Variants in RAP1GDS1 observed in about 807,000 individuals in gnomAD.
RAP1GDS1 encodes Rap1 GTPase-GDP dissociation stimulator 1.
In RAP1GDS1, 35 loss-of-function variants were observed where a neutral mutation model predicts 71.1. The observed-to-expected ratio is 0.49, with a 90% confidence interval of 0.38 to 0.65. The LOEUF (loss-of-function observed/expected upper bound fraction) is 0.65. Ranked by LOEUF, RAP1GDS1 falls within the 30% of genes least tolerant of loss-of-function variation. RAP1GDS1 has a pLI of 0.00. For missense variants in RAP1GDS1, 663 were observed against 706.1 expected (o/e 0.94, Z 0.69); for synonymous variants, 229 against 243.1 (o/e 0.94, Z 0.54).
chr4:98,300,029 A>G (rs971381299), intron 2 of RAP1GDS1, among the ~76,000 whole-genome samples: 3 of 152,190 alleles, frequency 2.0e-5, no homozygotes, highest in Non-Finnish European at 2.9e-5. Context: ...AAACATTGAC[A>G]GGGTTTGAAA....
intron 2 of RAP1GDS1, among the ~76,000 whole-genome samples, chr4:98,318,514 G>C (rs1248335194): frequency 6.6e-6 from 1 of 152,170 alleles, no homozygotes; most frequent in Non-Finnish European, 1.5e-5. Flanking sequence ...TTATTGTACT[G>C]TACTTAACCT....
At position 98,443,490 on chromosome 4, in the gene RAP1GDS1, TCGA is replaced by T. The variant is rs1045779469; in HGVS notation, c.*1374_*1376del. 2 of 229,372 alleles carry T rather than the reference TCGA, an allele frequency of 8.7e-6. No homozygotes were observed. The highest frequency in any genetic ancestry group is 4.4e-5 in the African/African-American group (2 of 45,120). The allele number at this position is 229,372 out of a possible 1,614,324, so 14.2% of individuals were successfully genotyped here. A position where few individuals can be genotyped will look rare whatever the true frequency, so the allele number is the denominator to read the frequency against. ...ACTGGCCTAAAAGGCAAGATGGGCTTCGATATAGAAGGACTGCAAGACAGTAGA... is the reference window on the plus strand; with the variant it reads ...ACTGGCCTAAAAGGCAAGATGGGCTTTATAGAAGGACTGCAAGACAGTAGA... On this transcript the variant is annotated 3_prime_UTR_variant, in exon 15 of 15. Coordinates refer to ENST00000408927, the MANE Select transcript of RAP1GDS1 (RefSeq NM_001100427.2).
chr4:98,276,583 T>C (rs1376786620), intron 1 of RAP1GDS1, among the ~76,000 whole-genome samples: 2 of 152,124 alleles, frequency 1.3e-5, no homozygotes, highest in African/African-American at 4.8e-5. Context: ...TTTTTGTCTT[T>C]CATTTTGTTA....
At chr4:98,326,070 G>C (rs982421069) in intron 2 of RAP1GDS1, among the ~76,000 whole-genome samples, 1 of 152,140 alleles carries the variant, frequency 6.6e-6, no homozygotes, top group Non-Finnish European at 1.5e-5. Flanking sequence ...CATCTGTTCA[G>C]TAACAATCAC....
chr4:98,435,040 T>C (rs968486858), intron 13 of RAP1GDS1, among the ~76,000 whole-genome samples: 14 of 152,214 alleles, frequency 9.2e-5, no homozygotes, highest in Admixed American at 8.5e-4. Context: ...CAGCCAGGGA[T>C]GGTGTAATAG....
chr4:98,328,325 G>GC (rs1733445445), intron 2 of RAP1GDS1, among the ~76,000 whole-genome samples: 1 of 152,190 alleles, frequency 6.6e-6, no homozygotes. Context: ...AAAAAAAGTA[G>GC]CATTGAGGTG....
chr4:98,391,916 T>A (rs192989172), intron 5 of RAP1GDS1, 36 bp from the exon 6 acceptor site: 7 of 1,544,834 alleles, frequency 4.5e-6, no homozygotes, highest in Non-Finnish European at 5.2e-6. Context: ...TGTCAACACT[T>A]TCTTTTCTGT....
At chr4:98,441,369 G>T in intron 14 of RAP1GDS1, 1 of 984,962 alleles carries the variant, frequency 1.0e-6, no homozygotes, top group Non-Finnish European at 1.2e-6. Context: ...AAATCTAAAA[G>T]GGAGTCCAGT....
chr4:98,414,449 C>T (rs2110176955), intron 7 of RAP1GDS1, among the ~76,000 whole-genome samples: 1 of 145,142 alleles, frequency 6.9e-6, no homozygotes, highest in Non-Finnish European at 1.5e-5. Context: ...GCCAGTTTTC[C>T]CAGCACCATT....
chr4:98,393,060 A>G (rs528164961), intron 6 of RAP1GDS1, among the ~76,000 whole-genome samples: 24 of 152,234 alleles, frequency 1.6e-4, no homozygotes, highest in African/African-American at 5.8e-4. Context: ...AATCATGTTA[A>G]TAATAAATTA....
intron 4 of RAP1GDS1, among the ~76,000 whole-genome samples, chr4:98,356,725 T>A (rs1738029188): frequency 6.6e-6 from 1 of 152,064 alleles, no homozygotes; most frequent in South Asian, 2.1e-4. Context: ...CACTTAAGCT[T>A]ATATGATATG....
chr4:98,351,140 T>A (rs1737124114), intron 3 of RAP1GDS1, among the ~76,000 whole-genome samples: 1 of 152,218 alleles, frequency 6.6e-6, no homozygotes, highest in African/African-American at 2.4e-5. Flanking sequence ...CATAATTCAT[T>A]TTCTTAACAT....
chr4:98,418,692 G>A lies in RAP1GDS1; in HGVS notation c.1075G>A (p.Val359Ile). The A allele has an allele frequency of 6.2e-7, 1 of 1,610,112 alleles. No homozygotes were observed. Among genetic ancestry groups the A allele is most frequent in the East Asian group, 2.2e-5 (1 of 44,752 alleles). The stretch of plus-strand genomic sequence containing the variant: ...TATTCATATGGTAGACAATGGGATT[G>A]TAGAAAAACTTATGGATTTACTGGA... ...NCIHMVDNGIVEKLMDLLDRH... is the reference protein window; with the variant it reads ...NCIHMVDNGIIEKLMDLLDRH... Residue 359 changes from valine to isoleucine, a missense_variant, in exon 10 of 15, where the codon GTA becomes ATA. Transcript: ENST00000408927.
chr4:98,318,940 T>C (rs540049522), intron 2 of RAP1GDS1, among the ~76,000 whole-genome samples: 1 of 152,188 alleles, frequency 6.6e-6, no homozygotes, highest in South Asian at 2.1e-4. Context: ...GGAAATGAAA[T>C]TATGGAAAGT....
intron 1 of RAP1GDS1, among the ~76,000 whole-genome samples, chr4:98,290,974 A>G (rs931653676): frequency 2.6e-5 from 4 of 152,172 alleles, no homozygotes; most frequent in Non-Finnish European, 5.9e-5. Context: ...AGGAAGATCT[A>G]TTGAAGAAGA....
chr4:98,427,660 A>G (rs116534821), intron 12 of RAP1GDS1, among the ~76,000 whole-genome samples: 2,615 of 152,244 alleles, frequency 0.017, 84 homozygotes, highest in African/African-American at 0.058. Context: ...ATTCCTAACC[A>G]TGGAGATGTA....
chr4:98,280,530 T>C (rs1447293243), intron 1 of RAP1GDS1, among the ~76,000 whole-genome samples: 2 of 152,188 alleles, frequency 1.3e-5, no homozygotes, highest in Non-Finnish European at 2.9e-5. Flanking sequence ...GATGGGTAGA[T>C]TGCAAAAATT....
chr4:98,278,285 C>T (rs1359596010), intron 1 of RAP1GDS1, among the ~76,000 whole-genome samples: 1 of 152,098 alleles, frequency 6.6e-6, no homozygotes, highest in African/African-American at 2.4e-5. Context: ...TATGAGGTCC[C>T]CCTAGTTTTC....
intron 14 of RAP1GDS1, among the ~76,000 whole-genome samples, chr4:98,439,455 C>A (rs1354289134): frequency 1.3e-5 from 2 of 152,140 alleles, no homozygotes; most frequent in African/African-American, 4.8e-5. Context: ...AGGTTTATGT[C>A]TTTTGCTAAA....
Sources: gnomAD v4.1 joint callset for allele counts (sites outside exome capture counted in the v4.1 genomes callset) on GRCh38, gnomAD v4.1.1 for gene constraint, MANE v1.5 for transcripts, NCBI Gene and HGNC (gene_info 2026-07-23, HGNC 2026-07-21) for gene names.